The following CYFIP1 variants were observed in gnomAD, a reference collection of about 807,000 sequenced individuals.
CYFIP1 encodes the protein cytoplasmic FMR1-interacting protein 1.
CYFIP1 carries 58 observed loss-of-function variants against 163.5 expected under a neutral mutation model. The observed-to-expected ratio is 0.35, with a 90% CI of 0.29 to 0.44. The LOEUF (loss-of-function observed/expected upper bound fraction) is 0.44. Ranked by LOEUF, CYFIP1 falls within the 20% of genes least tolerant of loss-of-function variation. The probability of loss-of-function intolerance (pLI) is 1.00; values close to 1 mark genes in which losing one functional copy is unlikely to be tolerated. For synonymous variants in CYFIP1, 663 were observed against 660.7 expected, an observed-to-expected ratio of 1.00 and a Z score of -0.05; for missense variants, 1,338 against 1,653.8, an observed-to-expected ratio of 0.81 and a Z score of 3.31.
chr15:22,875,244 G>A lies in CYFIP1; in HGVS notation c.3070C>T (p.His1024Tyr), dbSNP rs774804147. The stretch of plus-strand genomic sequence containing the variant: ...AAGATGTTCTGGAAAGGAGCCGCGT[G>A]CAGCAGGTCACACACTTCTTCTAAA... Reference protein sequence around the residue: ...LSLEEVCDLLHAAPFQNILPR... With the variant: ...LSLEEVCDLLYAAPFQNILPR... Residue 1024 changes from histidine (H) to tyrosine (Y), a missense_variant, in exon 27 of 31, where the codon CAC becomes TAC. Coordinates refer to ENST00000617928, the MANE Select transcript of CYFIP1 (RefSeq NM_014608.6). 5 of 1,614,138 alleles carry A rather than the reference G, an allele frequency of 3.1e-6. No homozygotes were observed. The highest frequency in any genetic ancestry group is 1.3e-5 in the African/African-American group (1 of 75,052).
rs899052932 is a variant in CYFIP1, at chr15:22,868,938, T to C, written c.*1090A>G. 1.4e-4 allele frequency: 1 copy of C among 6,964 alleles called. No individual in the cohort carries two copies. Among genetic ancestry groups the C allele is most frequent in the Non-Finnish European group, 2.5e-4 (1 of 4,076 alleles). The allele number at this position is 6,964 out of a possible 1,614,324, so 0.4% of individuals were successfully genotyped here. A position where few individuals can be genotyped will look rare whatever the true frequency, so the allele number is the denominator to read the frequency against. ...GGCATAGCATCTTTTTCCATTCAGT[T>C]AGTTAGGATTTTCAGAACCTCATTG... is the stretch of plus-strand genomic sequence containing the variant. On this transcript the variant is annotated 3_prime_UTR_variant, in exon 31 of 31. Transcript: ENST00000617928.
At chr15:22,894,278 C>CTTTTTT (rs57603773) in intron 22 of CYFIP1, among the ~76,000 whole-genome samples, 1 of 65,456 alleles carries the variant, frequency 1.5e-5, no homozygotes, top group Non-Finnish European at 2.8e-5. Flanking sequence ...GCAGACTTTT[C>CTTTTTT]TTTTTTTTTT....
rs1353866154 is a variant in CYFIP1, at chr15:22,909,254, C to T, written c.2328G>A (p.Met776Ile). ...RLITQRVSAAMYKSLELAIGR... is the reference protein window; with the variant it reads ...RLITQRVSAAIYKSLELAIGR... ...CAATCGCCAGTTCTAGGGACTTATA[C>T]ATGGCTGCTGAGACGCGCTGGGTGA... Residue 776 changes from methionine to isoleucine, a missense_variant, in exon 21 of 31, where the codon ATG (methionine) becomes ATA (isoleucine). Physicochemically the swap from Met to Ile is conservative, Grantham distance 10. Transcript: ENST00000617928. The T allele has an allele frequency of 3.7e-6, 6 of 1,614,178 alleles. No homozygotes were observed. The highest frequency in any genetic ancestry group is 1.3e-5 in the African/African-American group (1 of 75,042).
chr15:22,888,034 C>G lies in CYFIP1; in HGVS notation c.2676+4856G>C, dbSNP rs79352916. Among the ~76,000 whole-genome samples the G allele has an allele frequency of 2.0e-5, 3 of 152,170 alleles. No homozygotes were observed. In the East Asian group the frequency reaches 5.8e-4, roughly 29 times the overall value. On this transcript the variant is annotated intron_variant, in intron 23 of 30. Coordinates refer to ENST00000617928, the MANE Select transcript of CYFIP1 (RefSeq NM_014608.6). ...AATCTTACTTATGAGATAAAGAATA[C>G]TAGTTAATGTGCTCAAAAGGGTGTC...
At chr15:22,964,410 C>T (rs1447062425) in intron 1 of CYFIP1, among the ~76,000 whole-genome samples, 2 of 150,146 alleles carry the variant, frequency 1.3e-5, no homozygotes, top group Non-Finnish European at 1.5e-5. Context: ...CACACACACC[C>T]GGCAGCCCTG....
chr15:22,932,464 G>A (rs1433044648), intron 10 of CYFIP1, 124 bp from the exon 11 acceptor site: 2 of 567,544 alleles, frequency 3.5e-6, no homozygotes, highest in Middle Eastern at 4.3e-4. Context: ...TTAAAGGGTT[G>A]TTTAAAAAAA....
chr15:22,978,759 A>G (rs185188628), intron 1 of CYFIP1, among the ~76,000 whole-genome samples: 1 of 152,222 alleles, frequency 6.6e-6, no homozygotes, highest in East Asian at 1.9e-4. Flanking sequence ...GACAAACCAG[A>G]GCATAGCTGA....
chr15:22,882,329 T>C (rs113590172), intron 24 of CYFIP1, among the ~76,000 whole-genome samples: 4 of 152,264 alleles, frequency 2.6e-5, no homozygotes, highest in African/African-American at 9.6e-5. Context: ...AGGTCAGCAA[T>C]CCTAACACCC....
At chr15:22,929,388 C>T (rs1186274223) in intron 11 of CYFIP1, among the ~76,000 whole-genome samples, 1 of 152,054 alleles carries the variant, frequency 6.6e-6, no homozygotes, top group Non-Finnish European at 1.5e-5. Flanking sequence ...AATCCCAAAA[C>T]TCTGGGAGGC....
intron 26 of CYFIP1, among the ~76,000 whole-genome samples, chr15:22,877,949 C>T (rs1379701870): frequency 1.3e-5 from 2 of 152,244 alleles, no homozygotes; most frequent in Non-Finnish European, 2.9e-5. Context: ...TGGTGTGAGG[C>T]GGCTGGTCCA....
At chr15:22,946,793 T>C (rs1350057646) in intron 3 of CYFIP1, 1 of 691,608 alleles carries the variant, frequency 1.4e-6, no homozygotes, top group Non-Finnish European at 2.6e-6. Flanking sequence ...AGGTTTTCTC[T>C]GGGCCAGAGA....
chr15:22,910,956 C>T lies in CYFIP1; in HGVS notation c.2083-143G>A, dbSNP rs1465962216. 8 of 725,390 alleles carry T rather than the reference C, an allele frequency of 1.1e-5. No homozygotes were observed. In the East Asian group the frequency reaches 1.8e-4, roughly 16 times the overall value. 44.9% of individuals were successfully genotyped at this position (725,390 alleles called of 1,614,324 possible). ...ACGGAGTCTTGCTCTGTTGCCCAGGCTGGAGCGCAGTAGTGCGATCTTGGC... is the reference window on the plus strand; with the variant it reads ...ACGGAGTCTTGCTCTGTTGCCCAGGTTGGAGCGCAGTAGTGCGATCTTGGC... On this transcript the variant is annotated intron_variant, in intron 18 of 30. Coordinates refer to ENST00000617928, the MANE Select transcript of CYFIP1 (RefSeq NM_014608.6).
chr15:22,936,132 C>T (rs1167614311), intron 9 of CYFIP1, among the ~76,000 whole-genome samples: 1 of 151,986 alleles, frequency 6.6e-6, no homozygotes, highest in Admixed American at 6.6e-5. Flanking sequence ...ACTAGCCAAG[C>T]ATGATGGTAA....
intron 26 of CYFIP1, among the ~76,000 whole-genome samples, chr15:22,878,814 A>G (rs1329339943): frequency 2.0e-5 from 3 of 152,090 alleles, no homozygotes; most frequent in Admixed American, 2.0e-4. Flanking sequence ...CAGCACATAA[A>G]GAGTCTACAC....
chr15:22,883,841 A>G (rs1054378371), intron 23 of CYFIP1, among the ~76,000 whole-genome samples: 12 of 149,032 alleles, frequency 8.1e-5, no homozygotes, highest in African/African-American at 3.0e-4. Context: ...AAAAAAAGGC[A>G]GGTTTAACTG....
intron 23 of CYFIP1, among the ~76,000 whole-genome samples, chr15:22,891,112 T>TAA (rs34792009): frequency 6.2e-4 from 94 of 151,188 alleles, no homozygotes; most frequent in Admixed American, 1.4e-3. Context: ...ATAACATTGC[T>TAA]AAAAAAAATA....
At chr15:22,980,003 G>A (rs1213562413) in intron 1 of CYFIP1, among the ~76,000 whole-genome samples, 2 of 152,032 alleles carry the variant, frequency 1.3e-5, no homozygotes, top group African/African-American at 4.8e-5. Flanking sequence ...CGGGGAGCTC[G>A]GGGCCGAGGC....
intron 13 of CYFIP1, among the ~76,000 whole-genome samples, chr15:22,925,312 C>T (rs1425921767): frequency 6.6e-6 from 1 of 152,158 alleles, no homozygotes; most frequent in Admixed American, 6.5e-5. Context: ...CGGTAGATGA[C>T]TACAAAGCTA....
intron 1 of CYFIP1, among the ~76,000 whole-genome samples, chr15:22,965,804 G>A (rs895783215): frequency 3.3e-5 from 5 of 152,160 alleles, no homozygotes; most frequent in South Asian, 2.1e-4. Flanking sequence ...AGAGCAGCAG[G>A]AGTCCATGGC....
Sources: allele counts gnomAD v4.1 joint callset (sites outside exome capture counted in the v4.1 genomes callset), GRCh38; gene constraint gnomAD v4.1.1; transcripts MANE v1.5; gene names NCBI Gene and HGNC (gene_info 2026-07-23, HGNC 2026-07-21).